The following ANKRD17 variants were observed in gnomAD, a reference collection of about 807,000 sequenced individuals.
The protein encoded by ANKRD17 is ankyrin repeat domain 17.
Under a neutral mutation model 229.7 loss-of-function variants are expected in ANKRD17, and 19 were observed. That is an observed-to-expected ratio of 0.08 (90% CI 0.06 to 0.12). The LOEUF (loss-of-function observed/expected upper bound fraction) is 0.12. ANKRD17 is among the 10% of genes least tolerant of loss of function. The probability of loss-of-function intolerance (pLI) is 1.00; values close to 1 mark genes in which losing one functional copy is unlikely to be tolerated. For missense variants in ANKRD17, 2,176 were observed against 3,176.8 expected (o/e 0.68, Z 7.57); for synonymous variants, 1,112 against 1,146.1 (o/e 0.97, Z 0.60).
chr4:73,176,990 G>A (rs781096331), intron 2 of ANKRD17, among the ~76,000 whole-genome samples: 2 of 152,148 alleles, frequency 1.3e-5, no homozygotes, highest in Non-Finnish European at 1.5e-5. Flanking sequence ...CACTTTGTTC[G>A]ACTTCTACTG....
rs1449711852 is a variant in ANKRD17 at position 73,179,464 on chromosome 4, A to ATG, written c.394-1932_394-1931insCA. Among the ~76,000 whole-genome samples the ATG allele has an allele frequency of 9.8e-5, 9 of 91,918 alleles. No individual in the cohort carries two copies. In the East Asian group the frequency reaches 1.2e-3, roughly 13 times the overall value. 60.3% of individuals were successfully genotyped at this position (91,918 alleles called of 152,430 possible). ...TATATATATCTGTGTATATATGTAT[A>ATG]TATGTGTGTGTGTGTGTGTGTGTGT... On this transcript the variant is annotated intron_variant, in intron 1 of 33. Transcript: ENST00000358602.
intron 22 of ANKRD17, among the ~76,000 whole-genome samples, chr4:73,116,385 T>C (rs1259627770): frequency 6.6e-6 from 1 of 152,188 alleles, no homozygotes; most frequent in African/African-American, 2.4e-5. Context: ...GAATATATAC[T>C]TTCATGAAGA....
intron 1 of ANKRD17, among the ~76,000 whole-genome samples, chr4:73,227,781 TGAA>T (rs1344240791): frequency 6.6e-6 from 1 of 152,116 alleles, no homozygotes; most frequent in Non-Finnish European, 1.5e-5. Context: ...TTGGTTTCCT[TGAA>T]GAAGGAAAAA....
Position 73,091,974 on chromosome 4 carries a change from T to C in ANKRD17, c.5654A>G (p.Tyr1885Cys). The C allele has an allele frequency of 6.2e-7, 1 of 1,614,164 alleles. No homozygotes were observed. Among genetic ancestry groups the C allele is most frequent in the Non-Finnish European group, 8.5e-7 (1 of 1,180,026 alleles). Residue 1885 changes from tyrosine to cysteine, a missense_variant, in exon 29 of 34, where the codon TAT (tyrosine) becomes TGT (cysteine). Tyr to Cys is a radical substitution (Grantham distance 194). Around this residue, in one of 18 missense-constraint regions of ANKRD17, gnomAD observed 142 missense variants for 200.4 expected, o/e 0.71. Coordinates refer to ENST00000358602, the MANE Select transcript of ANKRD17 (RefSeq NM_032217.5). ...PGFPVSLPLA[Y>C]PPPQFAHALL... is the part of the protein sequence containing the mutation. ...AGCATGTGCAAACTGTGGAGGAGGA[T>C]ATGCTAATGGAAGAGAAACTGGAAA...
intron 7 of ANKRD17, among the ~76,000 whole-genome samples, chr4:73,150,693 A>T (rs898452846): frequency 6.6e-6 from 1 of 152,224 alleles, no homozygotes; most frequent in African/African-American, 2.4e-5. Context: ...GGAAGATGAG[A>T]CAAGAAACTT....
At position 73,148,882 on chromosome 4, in the gene ANKRD17, C is replaced by T. The variant is rs1730638018; in HGVS notation, c.1498G>A (p.Gly500Ser). The change falls in exon 8 of 34, where the codon GGT becomes AGT. Residue 500 changes from glycine (G) to serine (S), a missense_variant. By Grantham distance (56) the Gly-to-Ser change is moderately conservative. Around this residue, in one of 18 missense-constraint regions of ANKRD17, gnomAD observed 42 missense variants for 141.3 expected, o/e 0.30. Transcript: ENST00000358602. ...GCTGCTTCCATCAATGGTGTATAAC[C>T]TTCATCATTGACCTCTTCCAGGCTA... is the stretch of plus-strand genomic sequence containing the variant. ...GASLEEVNDE[G>S]YTPLMEAARE... 2 of 1,613,844 alleles carry T rather than the reference C, an allele frequency of 1.2e-6. No homozygotes were observed. The highest frequency in any genetic ancestry group is 1.1e-5 in the South Asian group (1 of 91,078).
intron 1 of ANKRD17, among the ~76,000 whole-genome samples, chr4:73,220,163 A>C (rs1298847049): frequency 6.6e-6 from 1 of 152,148 alleles, no homozygotes; most frequent in African/African-American, 2.4e-5. Context: ...ATTTTACAGG[A>C]AGGTCATCAA....
chr4:73,202,704 C>T (rs1226950712), intron 1 of ANKRD17, among the ~76,000 whole-genome samples: 1 of 152,032 alleles, frequency 6.6e-6, no homozygotes, highest in Non-Finnish European at 1.5e-5. Context: ...ACCTTACAGC[C>T]AAATATAAAT....
chr4:73,193,869 C>A (rs1461243969), intron 1 of ANKRD17, among the ~76,000 whole-genome samples: 1 of 152,112 alleles, frequency 6.6e-6, no homozygotes, highest in African/African-American at 2.4e-5. Context: ...GAGGTTGAGG[C>A]TGCAGTGACC....
At chr4:73,101,664 C>CAA (rs71215484) in intron 25 of ANKRD17, among the ~76,000 whole-genome samples, 41,285 of 111,224 alleles carry the variant, frequency 0.37, 8,844 homozygotes, top group South Asian at 0.48. Flanking sequence ...GACTCGGTCT[C>CAA]AAAAAAAAAA....
chr4:73,139,881 A>G lies in ANKRD17; in HGVS notation c.2735T>C (p.Leu912Pro), dbSNP rs149821540. 93 of 1,614,114 alleles carry G rather than the reference A, an allele frequency of 5.8e-5. No individual in the cohort carries two copies. The highest frequency in any genetic ancestry group is 1.0e-5 in the Non-Finnish European group (12 of 1,180,050). ...CTGCTCTCCAACTCCAACAGGAGTT[A>G]GTAATCCCAGGTGTTGGCAAGACTG... ...QQQSCQHLGLLTPVGVGEQLS... is the reference protein window; with the variant it reads ...QQQSCQHLGLPTPVGVGEQLS... The change falls in exon 15 of 34, where the codon CTA (leucine) becomes CCA (proline). Residue 912 changes from leucine (L) to proline (P), a missense_variant. Leu to Pro is a moderately conservative substitution (Grantham distance 98, BLOSUM62 -3). Around this residue, in one of 18 missense-constraint regions of ANKRD17, gnomAD observed 230 missense variants for 252.3 expected, o/e 0.91. Transcript: ENST00000358602.
At chr4:73,139,454 G>A (rs927618773) in intron 15 of ANKRD17, 77 bp downstream of exon 15, 25 of 1,511,176 alleles carry the variant, frequency 1.7e-5, no homozygotes, top group Non-Finnish European at 1.9e-5. Context: ...GTTGGGTAAC[G>A]GCAAAAAATT....
intron 2 of ANKRD17, among the ~76,000 whole-genome samples, chr4:73,170,900 C>T (rs1268347713): frequency 6.6e-6 from 1 of 152,090 alleles, no homozygotes; most frequent in Non-Finnish European, 1.5e-5. Context: ...GACCTCAGTT[C>T]CTGGCTCCCA....
At chr4:73,250,128 C>T (rs1172466243) in intron 1 of ANKRD17, among the ~76,000 whole-genome samples, 4 of 152,240 alleles carry the variant, frequency 2.6e-5, no homozygotes, top group Middle Eastern at 6.8e-3. Context: ...TTATACTAAG[C>T]TTTTACCAAA....
intron 29 of ANKRD17, among the ~76,000 whole-genome samples, chr4:73,089,123 T>G (rs1722510261): frequency 6.6e-6 from 1 of 151,682 alleles, no homozygotes; most frequent in Non-Finnish European, 1.5e-5. Context: ...CTGTAACATC[T>G]GCCTCTAGGG....
chr4:73,108,586 G>A (rs1459138236), intron 24 of ANKRD17, among the ~76,000 whole-genome samples: 1 of 152,142 alleles, frequency 6.6e-6, no homozygotes, highest in Non-Finnish European at 1.5e-5. Context: ...TATATCAAAT[G>A]TTATTAGTTC....
chr4:73,087,312 T>C (rs1359111933), intron 29 of ANKRD17, among the ~76,000 whole-genome samples: 1 of 152,116 alleles, frequency 6.6e-6, no homozygotes, highest in African/African-American at 2.4e-5. Context: ...CTTAAATTTC[T>C]GGCCTCAAAT....
intron 19 of ANKRD17, among the ~76,000 whole-genome samples, chr4:73,121,364 G>A (rs976107397): frequency 6.6e-6 from 1 of 152,132 alleles, no homozygotes; most frequent in African/African-American, 2.4e-5. Context: ...CTTAAAGCAT[G>A]TATTAGCTTG....
chr4:73,120,263 A>C lies in ANKRD17; in HGVS notation c.3924T>G (p.Gly1308=). 6.2e-7 allele frequency: 1 copy of C among 1,614,072 alleles called. No homozygotes were observed. Among genetic ancestry groups the C allele is most frequent in the African/African-American group, 1.3e-5 (1 of 75,006 alleles). ...AEVGRVLLDK[G]ADVNAPPVPS... ...GAACTGGAGGGGCATTAACATCAGC[A>C]CCTTTATCCAAAAGAACTCGGCCCA... Residue 1308 remains glycine (G), a synonymous_variant, in exon 21 of 34, where the codon GGT becomes GGG. Coordinates refer to ENST00000358602, the MANE Select transcript of ANKRD17 (RefSeq NM_032217.5).
Sources: allele counts gnomAD v4.1 joint callset (sites outside exome capture counted in the v4.1 genomes callset), GRCh38; gene constraint gnomAD v4.1.1; regional missense constraint gnomAD v4.1.1; transcripts MANE v1.5; gene names NCBI Gene and HGNC (gene_info 2026-07-23, HGNC 2026-07-21).